The following UGGT1 variants were observed in gnomAD, a reference collection of about 807,000 sequenced individuals.
UGGT1 encodes the protein UDP-glucose:glycoprotein glucosyltransferase 1.
UGGT1 carries 107 observed loss-of-function variants against 203.9 expected under a neutral mutation model. The observed-to-expected ratio is 0.52, with a 90% CI of 0.45 to 0.62. The LOEUF is 0.62. Among genes scored for constraint, UGGT1 ranks in the 20% least tolerant of loss-of-function variants. The pLI, the probability that UGGT1 is intolerant of heterozygous loss-of-function variation, is 0.00. For missense variants in UGGT1, 1,673 were observed against 1,867.2 expected, an observed-to-expected ratio of 0.90 and a Z score of 1.92; for synonymous variants, 628 against 653.5, an observed-to-expected ratio of 0.96 and a Z score of 0.59.
intron 7 of UGGT1, among the ~76,000 whole-genome samples, chr2:128,115,438 G>A (rs1347164915): frequency 6.8e-6 from 1 of 147,814 alleles, no homozygotes; most frequent in Non-Finnish European, 1.5e-5. Flanking sequence ...TCCAGTATTG[G>A]GGAGGAATAA....
intron 9 of UGGT1, among the ~76,000 whole-genome samples, 191 bp from the exon 10 acceptor site, chr2:128,121,008 T>C (rs1436391202): frequency 6.6e-6 from 1 of 152,174 alleles, no homozygotes; most frequent in East Asian, 1.9e-4. Context: ...CAGAAACGGC[T>C]CAACTGAATA....
At chr2:128,116,984 G>A (rs1263490488) in intron 8 of UGGT1, among the ~76,000 whole-genome samples, 2 of 152,140 alleles carry the variant, frequency 1.3e-5, no homozygotes, top group African/African-American at 2.4e-5. Context: ...AGGAAAAAAT[G>A]TATTTAAAAG....
At chr2:128,137,840 A>T (rs1474787940) in intron 15 of UGGT1, among the ~76,000 whole-genome samples, 1 of 152,228 alleles carries the variant, frequency 6.6e-6, no homozygotes, top group Non-Finnish European at 1.5e-5. Flanking sequence ...CAGTATGTTC[A>T]GTGCAAAGTC....
In UGGT1 at chr2:128,145,834, T is replaced by G. The variant is rs1355086593; in HGVS notation, c.1883T>G (p.Val628Gly). ...EARGYYEQTGVGPLPVVLFNG... is the reference protein window; with the variant it reads ...EARGYYEQTGGGPLPVVLFNG... ...AGAGGCTACTATGAGCAGACTGGAG[T>G]TGGACCTCTGCCCGTTGTGCTGTTC... is the stretch of plus-strand genomic sequence containing the variant. The change falls in exon 18 of 41, where the codon GTT (valine) becomes GGT (glycine). Residue 628 changes from valine to glycine, a missense_variant. Val to Gly is a moderately radical substitution (Grantham distance 109, BLOSUM62 -3). This residue lies in a region of UGGT1 where 1,073 missense variants were observed against 1,078.7 expected (regional missense o/e 0.99). Coordinates refer to ENST00000259253, the MANE Select transcript of UGGT1 (RefSeq NM_020120.4). 7 of 1,610,386 alleles carry G rather than the reference T, an allele frequency of 4.3e-6. No homozygotes were observed. The South Asian group carries it at 7.7e-5, about 18-fold the overall frequency.
At position 128,174,687 on chromosome 2, in the gene UGGT1, T is replaced by C. The variant is rs1253308524; in HGVS notation, c.3454-86T>C. 2.7e-6 allele frequency: 3 copies of C among 1,110,422 alleles called. No individual in the cohort carries two copies. The African/African-American group carries it at 4.7e-5, about 17-fold the overall frequency. The allele number at this position is 1,110,422 out of a possible 1,614,324, so 68.8% of individuals were successfully genotyped here. A position where few individuals can be genotyped will look rare whatever the true frequency, so the allele number is the denominator to read the frequency against. On this transcript the variant is annotated intron_variant, in intron 30 of 40. Coordinates refer to ENST00000259253, the MANE Select transcript of UGGT1 (RefSeq NM_020120.4). ...TGTTATTCACATTATAGTTGATTGA[T>C]ATTTCAGAAATAGAAGTAACTGTTC...
chr2:128,122,269 A>T (rs930798774), intron 10 of UGGT1, among the ~76,000 whole-genome samples: 1 of 151,280 alleles, frequency 6.6e-6, no homozygotes, highest in South Asian at 2.2e-4. Context: ...ATGGTGGCTC[A>T]CACCTGTAAT....
At chr2:128,138,527 A>AC (rs1689252510) in intron 15 of UGGT1, among the ~76,000 whole-genome samples, 190 bp from the exon 16 acceptor site, 1 of 152,076 alleles carries the variant, frequency 6.6e-6, no homozygotes. Context: ...AAAAAAAAAA[A>AC]ACCTTTGTAA....
At chr2:128,109,577 C>A in intron 4 of UGGT1, 57 bp from the exon 5 acceptor site, 1 of 1,375,468 alleles carries the variant, frequency 7.3e-7, no homozygotes, top group South Asian at 1.2e-5. Context: ...TTATACATGT[C>A]TTTATCTCGT....
chr2:128,179,952 A>G, intron 35 of UGGT1, 82 bp downstream of exon 35: 1 of 1,301,844 alleles, frequency 7.7e-7, no homozygotes, highest in Non-Finnish European at 1.1e-6. Flanking sequence ...TTTTATCTGT[A>G]TACTTTAGCA....
At chr2:128,115,320 C>G in intron 7 of UGGT1, 100 bp downstream of exon 7, 1 of 1,043,634 alleles carries the variant, frequency 9.6e-7, no homozygotes, top group South Asian at 1.5e-5. Context: ...GTATGCTGAA[C>G]CTGTGTTTGC....
intron 7 of UGGT1, among the ~76,000 whole-genome samples, chr2:128,115,868 A>G (rs1378228836): frequency 1.3e-5 from 2 of 152,204 alleles, no homozygotes; most frequent in East Asian, 3.8e-4. Context: ...ATTTTCTTCA[A>G]TAATTGTATT....
At position 128,159,603 on chromosome 2, in the gene UGGT1, G is replaced by A. The variant is rs1190764259; in HGVS notation, c.2445G>A (p.Trp815Ter). ...ACACTCAGATCTCCAGAGCAATCTGGGCAGCTCTCCAAACTCAGACTTCCA... is the reference window on the plus strand; with the variant it reads ...ACACTCAGATCTCCAGAGCAATCTGAGCAGCTCTCCAAACTCAGACTTCCA... ...YENTQISRAI[W>*]AALQTQTSNA... The change falls in exon 23 of 41, where the codon TGG (tryptophan) becomes TGA (stop). Residue 815 changes from tryptophan to a stop codon, truncating the protein, a stop_gained. Transcript: ENST00000259253. LOFTEE classifies it high-confidence loss of function. 6.2e-7 allele frequency: 1 copy of A among 1,613,970 alleles called. No individual in the cohort carries two copies. Among genetic ancestry groups the A allele is most frequent in the African/African-American group, 1.3e-5 (1 of 74,904 alleles).
In UGGT1 at chr2:128,179,827, T is replaced by G; in HGVS notation, c.3857T>G (p.Val1286Gly). Reference protein sequence around the residue: ...LSVLKNTKTPVKFWFLKNYLS... With the variant: ...LSVLKNTKTPGKFWFLKNYLS... The stretch of plus-strand genomic sequence containing the variant: ...GTGCTGAAGAATACCAAGACTCCTG[T>G]GAAATTCTGGTTCTTGAAGAATTAC... The change falls in exon 35 of 41, where the codon GTG becomes GGG. Residue 1286 changes from valine (V) to glycine (G), a missense_variant. By Grantham distance (109) the Val-to-Gly change is moderately radical. Around this residue, in one of 4 missense-constraint regions of UGGT1, gnomAD observed 513 missense variants for 684.1 expected, o/e 0.75. Transcript: ENST00000259253. The G allele has an allele frequency of 2.5e-6, 4 of 1,614,124 alleles. No individual in the cohort carries two copies. The highest frequency in any genetic ancestry group is 3.4e-6 in the Non-Finnish European group (4 of 1,180,010).
At chr2:128,156,247 G>A (rs1690219823) in intron 20 of UGGT1, 145 bp from the exon 21 acceptor site, 2 of 656,340 alleles carry the variant, frequency 3.0e-6, no homozygotes, top group East Asian at 5.8e-5. Context: ...AGGGTACTGG[G>A]ACAGCGCCAT....
At chr2:128,149,415 C>T (rs1241982579) in intron 18 of UGGT1, among the ~76,000 whole-genome samples, 16 of 148,540 alleles carry the variant, frequency 1.1e-4, no homozygotes, top group Non-Finnish European at 9.0e-5. Context: ...GAGGCCGAGG[C>T]GGGCGGATAA....
intron 14 of UGGT1, among the ~76,000 whole-genome samples, chr2:128,134,267 C>G (rs1489268141): frequency 6.6e-6 from 1 of 152,172 alleles, no homozygotes; most frequent in Non-Finnish European, 1.5e-5. Flanking sequence ...AACTCCTGAA[C>G]TCAGGTGATC....
intron 15 of UGGT1, among the ~76,000 whole-genome samples, chr2:128,137,665 AT>A (rs1302643600): frequency 1.3e-5 from 2 of 152,160 alleles, no homozygotes; most frequent in Non-Finnish European, 2.9e-5. Context: ...TCGTCTGGGA[AT>A]TTTTGTTTTT....
At chr2:128,127,128 A>T (rs960093033) in intron 11 of UGGT1, among the ~76,000 whole-genome samples, 3 of 152,140 alleles carry the variant, frequency 2.0e-5, no homozygotes, top group Non-Finnish European at 4.4e-5. Context: ...TTCTTTTTAA[A>T]ATCGAGAAGT....
intron 19 of UGGT1, among the ~76,000 whole-genome samples, chr2:128,154,974 C>CT (rs1427102370): frequency 6.6e-6 from 1 of 152,122 alleles, no homozygotes; most frequent in Non-Finnish European, 1.5e-5. Context: ...CCCTTTGACA[C>CT]TAATTGGAGA....
Sources: gnomAD v4.1 joint callset for allele counts (sites outside exome capture counted in the v4.1 genomes callset) on GRCh38, gnomAD v4.1.1 for gene constraint, gnomAD v4.1.1 regional missense constraint, MANE v1.5 for transcripts, NCBI Gene and HGNC (gene_info 2026-07-23, HGNC 2026-07-21) for gene names.